The following PCDH15 variants were observed in gnomAD, a reference collection of about 807,000 sequenced individuals.
The protein encoded by PCDH15 is protocadherin-15.
Under a neutral mutation model 178.5 loss-of-function variants are expected in PCDH15, and 129 were observed. The observed-to-expected ratio is 0.72, with a 90% CI of 0.63 to 0.84. PCDH15 has a LOEUF of 0.84. Ranked by LOEUF, PCDH15 falls within the 40% of genes least tolerant of loss-of-function variation. PCDH15 has a pLI of 0.00. For missense variants in PCDH15, 2,230 were observed against 2,099.9 expected (o/e 1.06, Z -1.21); for synonymous variants, 800 against 732.0 (o/e 1.09, Z -1.50).
chr10:54,693,672 A>G (rs1591094483), intron 1 of PCDH15, among the ~76,000 whole-genome samples: 1 of 152,160 alleles, frequency 6.6e-6, no homozygotes, highest in Non-Finnish European at 1.5e-5. Flanking sequence ...TGAAGAAGAA[A>G]TGCTTTCAGA....
At chr10:55,270,000 T>C (rs1698132978) in intron 1 of PCDH15, among the ~76,000 whole-genome samples, 3 of 152,146 alleles carry the variant, frequency 2.0e-5, no homozygotes, top group Non-Finnish European at 4.4e-5. Flanking sequence ...TATCAGATCT[T>C]TCACAAGCCT....
chr10:54,119,164 A>T (rs1318517943), intron 15 of PCDH15, among the ~76,000 whole-genome samples: 2 of 152,176 alleles, frequency 1.3e-5, no homozygotes, highest in African/African-American at 4.8e-5. Context: ...GAAACTCAGA[A>T]ATGACAGATA....
At chr10:54,818,290 T>A (rs151212397) in intron 3 of PCDH15, among the ~76,000 whole-genome samples, 1,931 of 152,176 alleles carry the variant, frequency 0.013, 17 homozygotes, top group Non-Finnish European at 0.018. Flanking sequence ...TTAGGGCATA[T>A]TCAGTAAAAT....
chr10:55,060,807 A>T (rs527243593), intron 2 of PCDH15, among the ~76,000 whole-genome samples: 1 of 152,212 alleles, frequency 6.6e-6, no homozygotes, highest in Non-Finnish European at 1.5e-5. Flanking sequence ...AGGAGAAAAA[A>T]CAATACAATG....
rs973288305 is a variant in PCDH15 at position 55,352,458 on chromosome 10, G to A, written c.-155-185807C>T. Among the ~76,000 whole-genome samples the A allele has an allele frequency of 1.1e-4, 16 of 152,242 alleles. 1 individual carries two copies. Among genetic ancestry groups the A allele is most frequent in the African/African-American group, 3.9e-4 (16 of 41,546 alleles). ...CAATGGAGATGAGAGGCTGAAAGAT[G>A]AGGAACATAGTGGCCAGCCATCAGA... On this transcript the variant is annotated intron_variant, in intron 2 of 5. Coordinates refer to the PCDH15 transcript ENST00000613346.
chr10:54,629,674 C>T (rs912176873), intron 2 of PCDH15, among the ~76,000 whole-genome samples: 1 of 152,052 alleles, frequency 6.6e-6, no homozygotes, highest in African/African-American at 2.4e-5. Context: ...CCCTTGGGAA[C>T]TGGAGCAAGA....
intron 2 of PCDH15, among the ~76,000 whole-genome samples, chr10:54,579,467 A>T (rs2090830695): frequency 6.6e-6 from 1 of 152,138 alleles, no homozygotes; most frequent in African/African-American, 2.4e-5. Context: ...CACACTCAAT[A>T]TTGGAGCACC....
chr10:55,477,966 T>C (rs1185152170), intron 2 of PCDH15, among the ~76,000 whole-genome samples: 1 of 151,570 alleles, frequency 6.6e-6, no homozygotes, highest in African/African-American at 2.4e-5. Flanking sequence ...AGGACACAAA[T>C]AGACTGAAAT....
intron 21 of PCDH15, among the ~76,000 whole-genome samples, chr10:53,974,874 T>G (rs1232270543): frequency 2.0e-5 from 3 of 152,122 alleles, no homozygotes; most frequent in African/African-American, 4.8e-5. Context: ...ATTGATCCAG[T>G]CATCGAGGTA....
At chr10:55,281,210 T>C (rs184492369) in intron 1 of PCDH15, among the ~76,000 whole-genome samples, 4 of 152,310 alleles carry the variant, frequency 2.6e-5, no homozygotes, top group Admixed American at 1.3e-4. Flanking sequence ...TCAAGTTTAG[T>C]GTAGGGCATG....
At chr10:54,365,297 A>G (rs1946628760) in intron 5 of PCDH15, among the ~76,000 whole-genome samples, 1 of 152,154 alleles carries the variant, frequency 6.6e-6, no homozygotes, top group Non-Finnish European at 1.5e-5. Context: ...ACTAAATAAG[A>G]TAATGTGCAT....
chr10:54,476,368 C>T (rs1039323867), intron 3 of PCDH15, among the ~76,000 whole-genome samples: 2 of 151,938 alleles, frequency 1.3e-5, no homozygotes, highest in Admixed American at 1.3e-4. Flanking sequence ...TTGAAATCAA[C>T]AGATTATCTA....
intron 2 of PCDH15, among the ~76,000 whole-genome samples, chr10:55,522,675 G>T (rs1461577608): frequency 6.6e-6 from 1 of 151,638 alleles, no homozygotes; most frequent in Admixed American, 6.6e-5. Context: ...AAATAACATT[G>T]CTAATCCCTT....
intron 2 of PCDH15, among the ~76,000 whole-genome samples, chr10:55,400,224 T>C (rs1838029750): frequency 6.6e-6 from 1 of 152,136 alleles, no homozygotes; most frequent in Non-Finnish European, 1.5e-5. Flanking sequence ...TTTGTTGGAA[T>C]GGAGTCCTCC....
In PCDH15 at chr10:53,857,251, T is replaced by C. The variant is rs751276226; in HGVS notation, c.3730A>G (p.Asn1244Asp). 15 of 1,611,080 alleles carry C rather than the reference T, an allele frequency of 9.3e-6. No individual in the cohort carries two copies. The Admixed American group carries it at 1.2e-4, about 13-fold the overall frequency. The change falls in exon 28 of 38, where the codon AAT becomes GAT. Residue 1244 changes from asparagine to aspartate, a missense_variant. Asn to Asp is a conservative substitution (Grantham distance 23). Transcript: ENST00000644397. ...ACAATGACTTGCATATCCAGCTGAT[T>C]GACCACGGAGACCTGAAAGAAGAAA... ...GKADVLVSVVNQLDMQVIVSN... is the reference protein window; with the variant it reads ...GKADVLVSVVDQLDMQVIVSN...
chr10:54,083,950 G>T (rs192511801), intron 16 of PCDH15, among the ~76,000 whole-genome samples: 6 of 152,180 alleles, frequency 3.9e-5, no homozygotes, highest in Admixed American at 1.3e-4. Context: ...ATTTGGCCAG[G>T]CGCGGTGGCT....
At chr10:55,037,682 T>G (rs1840772453) in intron 2 of PCDH15, among the ~76,000 whole-genome samples, 1 of 152,194 alleles carries the variant, frequency 6.6e-6, no homozygotes, top group Admixed American at 6.5e-5. Context: ...CTGAAGATTG[T>G]AAAATATCTG....
intron 26 of PCDH15, among the ~76,000 whole-genome samples, chr10:53,901,144 C>A (rs1409504607): frequency 6.9e-6 from 1 of 145,094 alleles, no homozygotes; most frequent in East Asian, 2.1e-4. Context: ...TGCTGAAATT[C>A]CCAAAGCTTA....
Position 53,843,347 on chromosome 10 carries a change from CTAAG to C in PCDH15, c.3807-2855_3807-2852del, listed in dbSNP as rs539381927. 4.9e-4 allele frequency among the ~76,000 whole-genome samples: 74 copies of C among 152,010 alleles called. 1 individual carries two copies. In the East Asian group the frequency reaches 7.5e-3, roughly 15 times the overall value. ...TTCATTTATCATCTATATCTATATA[CTAAG>C]TATTTTCTACATCTATATTCATTAC... On this transcript the variant is annotated intron_variant, in intron 28 of 37. Transcript: ENST00000644397.
Sources: allele counts gnomAD v4.1 joint callset (sites outside exome capture counted in the v4.1 genomes callset), GRCh38; gene constraint gnomAD v4.1.1; transcripts MANE v1.5; gene names NCBI Gene and HGNC (gene_info 2026-07-23, HGNC 2026-07-21).